Variants in DLEU7 observed in about 807,000 individuals in gnomAD.
DLEU7 encodes deleted in lymphocytic leukemia 7.
Under a neutral mutation model 16.0 loss-of-function variants are expected in DLEU7, and 17 were observed. The observed-to-expected ratio is 1.06, with a 90% confidence interval of 0.73 to 1.59. The LOEUF is 1.59. Ranked by LOEUF, DLEU7 falls within the 40% of genes most tolerant of loss-of-function variation. The probability of loss-of-function intolerance (pLI) is 0.00; values close to 1 mark genes in which losing one functional copy is unlikely to be tolerated. For missense variants in DLEU7, 308 were observed against 314.9 expected (o/e 0.98, Z 0.17); for synonymous variants, 113 against 139.8 (o/e 0.81, Z 1.35).
chr13:50,760,519 G>A (rs888012550), intron 1 of DLEU7, among the ~76,000 whole-genome samples: 28 of 152,150 alleles, frequency 1.8e-4, no homozygotes, highest in African/African-American at 6.3e-4. Context: ...GTGCCACCAG[G>A]TCTGGCTAAC....
Position 50,781,273 on chromosome 13 carries a change from G to C in DLEU7, c.459+61915C>G, listed in dbSNP as rs568776142. Among the ~76,000 whole-genome samples the C allele has an allele frequency of 7.9e-5, 12 of 152,272 alleles. 1 individual carries two copies. Among genetic ancestry groups the C allele is most frequent in the African/African-American group, 2.6e-4 (11 of 41,554 alleles). ...CATAGGCCACTTTAGAAATTAACTA[G>C]AAAGTAGAAAGGAATGTTTAAAACA... On this transcript the variant is annotated intron_variant, in intron 1 of 1. Transcript: ENST00000400393.
At chr13:50,754,409 T>C (rs552444264) in intron 1 of DLEU7, among the ~76,000 whole-genome samples, 2 of 152,324 alleles carry the variant, frequency 1.3e-5, no homozygotes, top group East Asian at 3.9e-4. Context: ...GACAAGGCCT[T>C]TTACCATTAT....
intron 1 of DLEU7, among the ~76,000 whole-genome samples, chr13:50,746,510 A>G (rs114115622): frequency 0.014 from 2,091 of 152,284 alleles, 46 homozygotes; most frequent in African/African-American, 0.048. Context: ...TTTTATTTAA[A>G]TTGAATCAAT....
At chr13:50,733,768 T>C (rs952192091) in intron 1 of DLEU7, among the ~76,000 whole-genome samples, 6 of 152,220 alleles carry the variant, frequency 3.9e-5, no homozygotes, top group Admixed American at 1.3e-4. Context: ...GCTTTGACTG[T>C]TAAGTATCAC....
rs1326888887 is a variant in DLEU7, at chr13:50,726,655, C to A, written c.460-13415G>T. Among the ~76,000 whole-genome samples the A allele has an allele frequency of 6.6e-6, 1 of 152,064 alleles. No individual in the cohort carries two copies. Among genetic ancestry groups the A allele is most frequent in the Non-Finnish European group, 1.5e-5 (1 of 68,018 alleles). On this transcript the variant is annotated intron_variant, in intron 1 of 1. Coordinates refer to the DLEU7 transcript ENST00000400393. The surrounding 1 kb of genome is among the most constrained non-coding windows in gnomAD (Gnocchi z 4.0). ...TGGGAGGTCTTTTCATGTGTGTCATCGTTCTAAGAGCCCACTGGCTATGCC... is the reference window on the plus strand; with the variant it reads ...TGGGAGGTCTTTTCATGTGTGTCATAGTTCTAAGAGCCCACTGGCTATGCC...
chr13:50,722,850 A>G (rs1232831932), intron 1 of DLEU7, among the ~76,000 whole-genome samples: 2 of 152,202 alleles, frequency 1.3e-5, no homozygotes, highest in South Asian at 4.1e-4. Context: ...TGTACCCTTT[A>G]TCTAATTTCT....
intron 1 of DLEU7, among the ~76,000 whole-genome samples, chr13:50,742,854 G>A (rs1874288134): frequency 6.6e-6 from 1 of 152,126 alleles, no homozygotes. Context: ...ACAAAAACAG[G>A]TGACCCATGG....
chr13:50,843,465 G>A lies in DLEU7; in HGVS notation c.182C>T (p.Pro61Leu), dbSNP rs1443932055. 11 of 1,327,060 alleles carry A rather than the reference G, an allele frequency of 8.3e-6. No individual in the cohort carries two copies. Among genetic ancestry groups the A allele is most frequent in the South Asian group, 4.3e-5 (2 of 46,040 alleles). 82.2% of individuals were successfully genotyped at this position (1,327,060 alleles called of 1,614,324 possible). A position where few individuals can be genotyped will look rare whatever the true frequency, so the allele number is the denominator to read the frequency against. ...GCCCCGCTCCTCGCGCCCGGGCCCCGGCCGGGCCCGCGGCGGGCCTGAGCG... is the reference window on the plus strand; with the variant it reads ...GCCCCGCTCCTCGCGCCCGGGCCCCAGCCGGGCCCGCGGCGGGCCTGAGCG... Reference protein sequence around the residue: ...ARRSGPPRARPGPGREERGGG... With the variant: ...ARRSGPPRARLGPGREERGGG... Residue 61 changes from proline (P) to leucine (L), a missense_variant, in exon 1 of 2, where the codon CCG becomes CTG. Physicochemically the swap from Pro to Leu is moderately conservative, Grantham distance 98. Coordinates refer to ENST00000504404, the MANE Select transcript of DLEU7 (RefSeq NM_001306135.2). The surrounding 1 kb of genome is among the most constrained non-coding windows in gnomAD (Gnocchi z 5.7).
intron 1 of DLEU7, among the ~76,000 whole-genome samples, chr13:50,738,037 T>C (rs1040281331): frequency 1.3e-5 from 2 of 152,144 alleles, no homozygotes; most frequent in Non-Finnish European, 2.9e-5. Context: ...TGGAGGAAGT[T>C]TGAATGGTCT....
chr13:50,841,488 A>G (rs543559289), intron 1 of DLEU7, among the ~76,000 whole-genome samples: 173 of 152,194 alleles, frequency 1.1e-3, no homozygotes, highest in African/African-American at 3.7e-3. Context: ...AGCCTTACCT[A>G]TGCCCTGTAT....
At chr13:50,818,151 T>C (rs1748976844), downstream of DLEU7, among the ~76,000 whole-genome samples, 1 of 152,126 alleles carries the variant, frequency 6.6e-6, no homozygotes, top group African/African-American at 2.4e-5. Context: ...ATCCACAACC[T>C]GTCTTTATGC....
intron 1 of DLEU7, among the ~76,000 whole-genome samples, chr13:50,831,986 G>A (rs1028808681): frequency 2.3e-4 from 35 of 152,174 alleles, no homozygotes; most frequent in Non-Finnish European, 1.2e-4. Context: ...GTATCAGGAT[G>A]ATGCTGGCCT....
chr13:50,713,172 A>T (rs1873344559), exon 2 of DLEU7: 1 of 1,602,894 alleles, frequency 6.2e-7, no homozygotes, highest in South Asian at 1.1e-5. Context: ...TGGTTATTGA[A>T]ATATGAAGCT....
At chr13:50,740,923 A>G (rs940810036) in intron 1 of DLEU7, among the ~76,000 whole-genome samples, 1 of 152,022 alleles carries the variant, frequency 6.6e-6, no homozygotes, top group African/African-American at 2.4e-5. Flanking sequence ...ATTCTTCCTG[A>G]ACTCATAGAA....
chr13:50,804,519 C>T (rs953329235), intron 1 of DLEU7, among the ~76,000 whole-genome samples: 5 of 151,958 alleles, frequency 3.3e-5, no homozygotes, highest in Admixed American at 2.0e-4. Context: ...TCTCAGCTCA[C>T]TGCAATCTCT....
chr13:50,789,044 C>A (rs1875871553), intron 1 of DLEU7, among the ~76,000 whole-genome samples: 2 of 152,030 alleles, frequency 1.3e-5, no homozygotes, highest in South Asian at 4.2e-4. Flanking sequence ...ACATCTGGAG[C>A]ATCGTCGTAT....
intron 1 of DLEU7, among the ~76,000 whole-genome samples, chr13:50,751,435 C>T (rs1319548789): frequency 2.6e-5 from 4 of 152,140 alleles, no homozygotes. Context: ...TAGGGTGATG[C>T]TGGCCTCATA....
intron 1 of DLEU7, among the ~76,000 whole-genome samples, chr13:50,744,864 G>A (rs1462052124): frequency 3.3e-5 from 5 of 152,206 alleles, no homozygotes; most frequent in South Asian, 2.1e-4. Context: ...TCAAAACAAC[G>A]TTGGACCACT....
intron 1 of DLEU7, among the ~76,000 whole-genome samples, chr13:50,825,449 T>G (rs1052392829): frequency 1.3e-5 from 2 of 152,216 alleles, no homozygotes; most frequent in African/African-American, 4.8e-5. Flanking sequence ...AAGTGTTCAG[T>G]GATTGAATGA....
Sources: gnomAD v4.1 joint callset for allele counts (sites outside exome capture counted in the v4.1 genomes callset) on GRCh38, gnomAD v4.1.1 for gene constraint, Gnocchi (gnomAD v3.1) non-coding constraint, MANE v1.5 for transcripts, NCBI Gene and HGNC (gene_info 2026-07-23, HGNC 2026-07-21) for gene names.